Variants in SYNE1 observed in about 807,000 individuals in gnomAD.
SYNE1 encodes spectrin repeat containing nuclear envelope protein 1, also known as nesprin-1.
Under a neutral mutation model 1,111.0 loss-of-function variants are expected in SYNE1, and 616 were observed. The ratio of observed to expected loss-of-function variants is 0.55; its 90% confidence interval spans 0.52 to 0.59. SYNE1 has a LOEUF of 0.59. SYNE1 is among the 20% of genes least tolerant of loss of function. The pLI is 0.00. For missense variants in SYNE1, 10,006 were observed against 10,417.0 expected, an observed-to-expected ratio of 0.96 and a Z score of 1.72; for synonymous variants, 3,855 against 3,825.8, an observed-to-expected ratio of 1.01 and a Z score of -0.28.
chr6:152,211,141 T>C lies in SYNE1; in HGVS notation c.22589+353A>G, dbSNP rs570469280. The stretch of plus-strand genomic sequence containing the variant: ...TATGCTCCTTTTACAAAAAAATTTC[T>C]GTAATTATATAAGAATATTAGAAGC... On this transcript the variant is annotated intron_variant, in intron 124 of 145. Coordinates refer to ENST00000367255, the MANE Select transcript of SYNE1 (RefSeq NM_182961.4). 7.2e-5 allele frequency among the ~76,000 whole-genome samples: 11 copies of C among 152,318 alleles called. No homozygotes were observed. In the South Asian group the frequency reaches 2.3e-3, roughly 32 times the overall value.
intron 3 of SYNE1, chr6:152,546,596 C>G (rs990268223): frequency 4.5e-4 from 68 of 152,194 alleles, no homozygotes; most frequent in African/African-American, 1.4e-3. Context: ...TAAGAAGTCA[C>G]TTGGAGGATA....
intron 126 of SYNE1, among the ~76,000 whole-genome samples, 169 bp from the exon 127 acceptor site, chr6:152,202,118 G>C (rs186846527): frequency 6.6e-6 from 1 of 151,948 alleles, no homozygotes; most frequent in African/African-American, 2.4e-5. Context: ...AGGCCGAGGC[G>C]GGTGGATCAC....
At chr6:152,502,835 G>T in intron 9 of SYNE1, 93 bp from the exon 10 acceptor site, 1 of 967,796 alleles carries the variant, frequency 1.0e-6, no homozygotes, top group Non-Finnish European at 1.6e-6. Flanking sequence ...CACCAAAAAC[G>T]CTAAACGCAG....
intron 3 of SYNE1, among the ~76,000 whole-genome samples, chr6:152,565,879 T>G (rs940168716): frequency 3.9e-5 from 6 of 152,168 alleles, no homozygotes; most frequent in Non-Finnish European, 7.4e-5. Context: ...AAACATCGTT[T>G]GTAGCCTTAA....
rs1477272569 is a variant in SYNE1 at position 152,330,382 on chromosome 6, T to C, written c.14303A>G (p.Gln4768Arg). The change falls in exon 78 of 146, where the codon CAG (glutamine) becomes CGG (arginine). Residue 4768 changes from glutamine to arginine, a missense_variant. Coordinates refer to ENST00000367255, the MANE Select transcript of SYNE1 (RefSeq NM_182961.4). ...GGTGTCTTCTAATAAGCTAACCCTC[T>C]GTTCTGTTTGTCGCTTCAGCCTGTG... The part of the protein sequence containing the change: ...LYHRLKRQTE[Q>R]RVSLLEDTTS... 8 of 1,614,028 alleles carry C rather than the reference T, an allele frequency of 5.0e-6. No homozygotes were observed. Among genetic ancestry groups the C allele is most frequent in the Non-Finnish European group, 6.8e-6 (8 of 1,180,034 alleles).
At chr6:152,316,179 T>C (rs747562222) in intron 87 of SYNE1, 8 of 152,438 alleles carry the variant, frequency 5.2e-5, no homozygotes, top group African/African-American at 1.7e-4. Context: ...TGAACTAACA[T>C]AGCCAGCATG....
intron 75 of SYNE1, 81 bp from the exon 76 acceptor site, chr6:152,337,098 G>T: frequency 7.0e-7 from 1 of 1,426,148 alleles, no homozygotes; most frequent in Non-Finnish European, 9.6e-7. Flanking sequence ...GAACTTTCCA[G>T]CTGGCCTGTG....
chr6:152,253,824 T>G (rs1330787587), intron 104 of SYNE1, among the ~76,000 whole-genome samples: 1 of 54,184 alleles, frequency 1.8e-5, no homozygotes, highest in Non-Finnish European at 3.0e-5. Context: ...TTTGGTTTTT[T>G]TTTTTTTTTT....
In SYNE1 at chr6:152,247,855, AACAC is replaced by A. The variant is rs10592346; in HGVS notation, c.19572+1302_19572+1305del. On this transcript the variant is annotated intron_variant, in intron 105 of 145. Transcript: ENST00000367255. The stretch of plus-strand genomic sequence containing the variant: ...CAAACTATTTTGAGAGGTGTTCTTT[AACAC>A]ACACACACACACACACACACACACA... 4.3e-3 allele frequency among the ~76,000 whole-genome samples: 390 copies of A among 89,858 alleles called. 6 individuals are homozygous for A. Among genetic ancestry groups the A allele is most frequent in the South Asian group, 0.014 (44 of 3,106 alleles). The allele number at this position is 89,858 out of a possible 152,430, so 59.0% of individuals were successfully genotyped here. A position where few individuals can be genotyped will look rare whatever the true frequency, so the allele number is the denominator to read the frequency against.
intron 128 of SYNE1, among the ~76,000 whole-genome samples, chr6:152,184,299 T>TG (rs1214027843): frequency 6.6e-6 from 1 of 152,032 alleles, no homozygotes; most frequent in Non-Finnish European, 1.5e-5. Context: ...TAGCAGGGCA[T>TG]GGTGGCAGGT....
chr6:152,359,561 C>G, intron 64 of SYNE1, 103 bp from the exon 65 acceptor site: 1 of 1,460,448 alleles, frequency 6.8e-7, no homozygotes, highest in Admixed American at 1.8e-5. Context: ...CAAGTGACCT[C>G]AGGTTATTTA....
intron 119 of SYNE1, 118 bp from the exon 120 acceptor site, chr6:152,219,303 G>A: frequency 9.7e-7 from 1 of 1,031,952 alleles, no homozygotes. Context: ...ATATTATTAG[G>A]CTAAATAAAC....
In SYNE1 at chr6:152,130,794, AGG is replaced by A; in HGVS notation, c.26095-18_26095-17del. 3 of 1,614,062 alleles carry A rather than the reference AGG, an allele frequency of 1.9e-6. No individual in the cohort carries two copies. The highest frequency in any genetic ancestry group is 2.5e-6 in the Non-Finnish European group (3 of 1,179,952). On this transcript the variant is annotated splice_polypyrimidine_tract_variant and intron_variant, in intron 144 of 145. Transcript: ENST00000367255. ...TGCCTCGTGGCTGTTTGCAATGAAC[AGG>A]GGGTAAAGAAAGAAGAATGTTCAGT...
Position 152,483,249 on chromosome 6 carries a change from G to C in SYNE1, c.1186C>G (p.Leu396Val), listed in dbSNP as rs138350962. 36 of 1,613,832 alleles carry C rather than the reference G, an allele frequency of 2.2e-5. No homozygotes were observed. In the African/African-American group the frequency reaches 4.7e-4, roughly 21 times the overall value. ...KQSWDRVTSRLFDWHIQLDKS... is the reference protein window; with the variant it reads ...KQSWDRVTSRVFDWHIQLDKS... Reference sequence around the variant, plus strand: ...TCAAGCTGTATATGCCAGTCAAAGAGCTAAAATTTAAAAAGCAGAAAAGTA... The same window carrying C: ...TCAAGCTGTATATGCCAGTCAAAGACCTAAAATTTAAAAAGCAGAAAAGTA... The change falls in exon 14 of 146, where the codon CTC becomes GTC. Residue 396 changes from leucine (L) to valine (V), a missense_variant and splice_region_variant. By Grantham distance (32) the Leu-to-Val change is conservative (BLOSUM62 1). Coordinates refer to ENST00000367255, the MANE Select transcript of SYNE1 (RefSeq NM_182961.4).
rs373800863 is a variant in SYNE1 at position 152,347,159 on chromosome 6, T to C, written c.11978A>G (p.Gln3993Arg). The change falls in exon 73 of 146, where the codon CAA becomes CGA. Residue 3993 changes from glutamine to arginine, a missense_variant. Coordinates refer to ENST00000367255, the MANE Select transcript of SYNE1 (RefSeq NM_182961.4). ...TTTCGCTTGCAGGTGGTCTGCACAT[T>C]GGCCAATCAAAGTATCACCTTTCAT... ...LQMKGDTLIG[Q>R]CADHLQAKLK... The C allele has an allele frequency of 3.7e-6, 6 of 1,614,086 alleles. No homozygotes were observed. The South Asian group carries it at 4.4e-5, about 12-fold the overall frequency.
chr6:152,416,554 C>G lies in SYNE1; in HGVS notation c.5883G>C (p.Arg1961Ser). Residue 1961 changes from arginine to serine, a missense_variant, in exon 41 of 146, where the codon AGG (arginine) becomes AGC (serine). Around this residue, in one of 7 missense-constraint regions of SYNE1, gnomAD observed 4,955 missense variants for 5,017.2 expected, o/e 0.99. Transcript: ENST00000367255. The part of the protein sequence containing the change: ...TADQLCGEVE[R>S]IQNLLGTKQS... Reference sequence around the variant, plus strand: ...GCTTGGTTCCCAGAAGGTTCTGGATCCTCTCTACCTCTCCACAGAGCTGAT... The same window carrying G: ...GCTTGGTTCCCAGAAGGTTCTGGATGCTCTCTACCTCTCCACAGAGCTGAT... The G allele has an allele frequency of 1.9e-6, 3 of 1,614,034 alleles. No individual in the cohort carries two copies. Among genetic ancestry groups the G allele is most frequent in the Non-Finnish European group, 2.5e-6 (3 of 1,180,016 alleles).
rs188548789 is a variant in SYNE1, at chr6:152,585,486, G to A, written c.67+42779C>T. Among the ~76,000 whole-genome samples the A allele has an allele frequency of 4.5e-4, 68 of 152,254 alleles. 1 individual carries two copies. The highest frequency in any genetic ancestry group is 1.4e-3 in the African/African-American group (59 of 41,560). ...ATATTGCCTAAGTGCAGATGTTTTCGTCTTTTGCCTATTTTCTACTGACTG... is the reference window on the plus strand; with the variant it reads ...ATATTGCCTAAGTGCAGATGTTTTCATCTTTTGCCTATTTTCTACTGACTG... On this transcript the variant is annotated intron_variant, in intron 3 of 145. Coordinates refer to ENST00000367255, the MANE Select transcript of SYNE1 (RefSeq NM_182961.4).
chr6:152,302,258 C>T, intron 91 of SYNE1, 195 bp from the exon 92 acceptor site: 1 of 735,112 alleles, frequency 1.4e-6, no homozygotes, highest in Admixed American at 2.2e-5. Flanking sequence ...GCGGCGCAGG[C>T]ACAGCCAAAG....
Position 152,330,369 on chromosome 6 carries a change from T to C in SYNE1, c.14316A>G (p.Leu4772=), listed in dbSNP as rs1266505572. The C allele has an allele frequency of 3.1e-6, 5 of 1,614,172 alleles. No homozygotes were observed. In the South Asian group the frequency reaches 5.5e-5, roughly 18 times the overall value. Residue 4772 remains leucine, a synonymous_variant, in exon 78 of 146, where the codon TTA becomes TTG. Transcript: ENST00000367255. ...GGTAAGCACTGGTGGTGTCTTCTAATAAGCTAACCCTCTGTTCTGTTTGTC... is the reference window on the plus strand; with the variant it reads ...GGTAAGCACTGGTGGTGTCTTCTAACAAGCTAACCCTCTGTTCTGTTTGTC... The part of the protein sequence containing the change: ...LKRQTEQRVS[L]LEDTTSAYQE...
Sources: gnomAD v4.1 joint callset for allele counts (sites outside exome capture counted in the v4.1 genomes callset) on GRCh38, gnomAD v4.1.1 for gene constraint, gnomAD v4.1.1 regional missense constraint, MANE v1.5 for transcripts, NCBI Gene and HGNC (gene_info 2026-07-23, HGNC 2026-07-21) for gene names.